ADNP: variants seen among roughly 807,000 people sequenced by gnomAD.
The protein encoded by ADNP is activity dependent neuroprotector homeobox, also known as activity-dependent neuroprotector homeobox protein.
A neutral mutation model predicts 84.9 loss-of-function variants in ADNP; 4 were observed. The observed-to-expected ratio is 0.05, with a 90% CI of 0.02 to 0.11. ADNP has a LOEUF of 0.11. Among genes scored for constraint, ADNP ranks in the 10% least tolerant of loss-of-function variants. ADNP has a pLI of 1.00. For missense variants in ADNP, 1,132 were observed against 1,326.0 expected (o/e 0.85, Z 2.27); for synonymous variants, 554 against 468.1 (o/e 1.18, Z -2.37).
At chr20:50,895,178 C>T (rs1229409345) in intron 5 of ADNP, among the ~76,000 whole-genome samples, 1 of 152,156 alleles carries the variant, frequency 6.6e-6, no homozygotes, top group East Asian at 1.9e-4. Flanking sequence ...TGTTGCTAAA[C>T]CACAGGGATG....
intron 2 of ADNP, among the ~76,000 whole-genome samples, chr20:50,919,942 G>A (rs562128007): frequency 2.6e-5 from 4 of 152,108 alleles, no homozygotes; most frequent in Admixed American, 2.6e-4. Flanking sequence ...GATGCTGCAG[G>A]TAACGAAGTA....
intron 2 of ADNP, among the ~76,000 whole-genome samples, chr20:50,928,014 A>T (rs974246567): frequency 2.8e-4 from 42 of 152,236 alleles, no homozygotes; most frequent in Non-Finnish European, 1.5e-4. Context: ...AAATAATCCC[A>T]TTTAAATATG....
intron 2 of ADNP, among the ~76,000 whole-genome samples, chr20:50,908,147 G>GTTTTTTTTT (rs142605027): frequency 1.8e-4 from 19 of 105,868 alleles, no homozygotes; most frequent in East Asian, 5.8e-4. Flanking sequence ...AGATTTTTCT[G>GTTTTTTTTT]TTTTTTTTTT....
At chr20:50,926,174 GCT>G (rs1207024925) in intron 2 of ADNP, among the ~76,000 whole-genome samples, 1 of 152,206 alleles carries the variant, frequency 6.6e-6, no homozygotes, top group Non-Finnish European at 1.5e-5. Flanking sequence ...AACAAGTCAA[GCT>G]CTGTGAATCC....
chr20:50,930,831 C>T lies in ADNP; in HGVS notation c.-270G>A, dbSNP rs906963232. ...CGCGGCGGCGCCGGGCTTACCTTGACTCGGCCTCGAGGCGCGCGCGGGGCC... is the reference window on the plus strand; with the variant it reads ...CGCGGCGGCGCCGGGCTTACCTTGATTCGGCCTCGAGGCGCGCGCGGGGCC... On this transcript the variant is annotated 5_prime_UTR_variant, in exon 1 of 6. Transcript: ENST00000621696. 12 of 147,466 alleles carry T rather than the reference C, an allele frequency of 8.1e-5. No individual in the cohort carries two copies. The highest frequency in any genetic ancestry group is 1.8e-4 in the South Asian group (1 of 5,626). The allele number at this position is 147,466 out of a possible 1,614,324, so 9.1% of individuals were successfully genotyped here.
intron 2 of ADNP, among the ~76,000 whole-genome samples, chr20:50,921,923 T>C (rs1459336186): frequency 6.6e-6 from 1 of 152,218 alleles, no homozygotes; most frequent in East Asian, 1.9e-4. Flanking sequence ...CCCAGTTTAC[T>C]TCACTCTAAA....
intron 2 of ADNP, among the ~76,000 whole-genome samples, chr20:50,926,793 A>T (rs1428208909): frequency 6.6e-6 from 1 of 152,240 alleles, no homozygotes; most frequent in Non-Finnish European, 1.5e-5. Flanking sequence ...AAGAAGAAAC[A>T]TAAATGCTGA....
chr20:50,930,188 T>C (rs1210062405), intron 1 of ADNP, among the ~76,000 whole-genome samples: 5 of 152,054 alleles, frequency 3.3e-5, no homozygotes, highest in African/African-American at 1.2e-4. Context: ...TACTGCAAAG[T>C]TGGGGCTCAG....
In ADNP at chr20:50,891,514, C is replaced by T. The variant is rs960404692; in HGVS notation, c.3200G>A (p.Ser1067Asn). 30 of 1,612,064 alleles carry T rather than the reference C, an allele frequency of 1.9e-5. No individual in the cohort carries two copies. The highest frequency in any genetic ancestry group is 2.5e-5 in the Non-Finnish European group (30 of 1,180,030). ...LSNPQIEWQN[S>N]TIDSEDGEQF... ...TTCCCCATCCTCACTGTCAATTGTGCTATTCTGCCACTCAATCTGGGGGTT... is the reference window on the plus strand; with the variant it reads ...TTCCCCATCCTCACTGTCAATTGTGTTATTCTGCCACTCAATCTGGGGGTT... The change falls in exon 6 of 6, where the codon AGC becomes AAC. Residue 1067 changes from serine to asparagine, a missense_variant. Physicochemically the swap from Ser to Asn is conservative, Grantham distance 46. Transcript: ENST00000621696.
At chr20:50,919,639 G>A (rs1983803061) in intron 2 of ADNP, among the ~76,000 whole-genome samples, 1 of 151,704 alleles carries the variant, frequency 6.6e-6, no homozygotes, top group African/African-American at 2.4e-5. Context: ...AATCCTAGGA[G>A]GCTTCATGTT....
intron 3 of ADNP, 70 bp from the exon 4 acceptor site, chr20:50,904,071 T>C (rs2122841789): frequency 3.3e-6 from 4 of 1,213,060 alleles, no homozygotes; most frequent in Non-Finnish European, 4.7e-6. Context: ...ATTCCACTGA[T>C]GATAGGATCA....
intron 2 of ADNP, among the ~76,000 whole-genome samples, chr20:50,917,954 A>C (rs1983640286): frequency 6.6e-6 from 1 of 152,218 alleles, no homozygotes; most frequent in South Asian, 2.1e-4. Flanking sequence ...CAATCACAAA[A>C]GGCCAAATAT....
chr20:50,912,158 T>G (rs1372278993), intron 2 of ADNP, among the ~76,000 whole-genome samples: 1 of 152,214 alleles, frequency 6.6e-6, no homozygotes, highest in African/African-American at 2.4e-5. Flanking sequence ...ACTAGTGATT[T>G]TCAAACCTTA....
intron 5 of ADNP, among the ~76,000 whole-genome samples, chr20:50,894,878 C>CT (rs942161826): frequency 1.3e-4 from 20 of 152,088 alleles, no homozygotes; most frequent in African/African-American, 4.8e-4. Flanking sequence ...GCCTGGGCGA[C>CT]AAGAGCGAAA....
At position 50,931,025 on chromosome 20, in the gene ADNP, A is replaced by G. The variant is rs1358461656; in HGVS notation, c.-464T>C. The G allele has an allele frequency of 2.1e-5, 3 of 140,842 alleles. No homozygotes were observed. The highest frequency in any genetic ancestry group is 2.1e-4 in the Admixed American group (3 of 14,430). The allele number at this position is 140,842 out of a possible 1,614,324, so 8.7% of individuals were successfully genotyped here. ...CCGGGGGGCGCGGCGGGCGCAGCAG[A>G]GCGGCGGGCGGCGGCGGCGTCGTCG... On this transcript the variant is annotated 5_prime_UTR_variant, in exon 1 of 6. Coordinates refer to ENST00000621696, the MANE Select transcript of ADNP (RefSeq NM_001282531.3).
At chr20:50,930,662 G>T (rs903447228) in intron 1 of ADNP, among the ~76,000 whole-genome samples, 164 bp downstream of exon 1, 3 of 152,030 alleles carry the variant, frequency 2.0e-5, no homozygotes, top group African/African-American at 7.2e-5. Context: ...GGGACCCGTC[G>T]GCGCCGGGGT....
At chr20:50,903,363 T>A (rs1982171295) in intron 4 of ADNP, among the ~76,000 whole-genome samples, 1 of 152,144 alleles carries the variant, frequency 6.6e-6, no homozygotes, top group Non-Finnish European at 1.5e-5. Flanking sequence ...AAAGTAATAG[T>A]CTATGATGGG....
chr20:50,930,138 A>T (rs1308156439), intron 1 of ADNP, among the ~76,000 whole-genome samples: 1 of 152,114 alleles, frequency 6.6e-6, no homozygotes, highest in Non-Finnish European at 1.5e-5. Context: ...TTAAAAAAAA[A>T]TCTTTTTGCA....
Position 50,892,794 on chromosome 20 carries a change from T to C in ADNP, c.1920A>G (p.Ala640=), listed in dbSNP as rs1308778063. The C allele has an allele frequency of 6.2e-7, 1 of 1,614,140 alleles. No homozygotes were observed. The highest frequency in any genetic ancestry group is 1.3e-5 in the African/African-American group (1 of 74,946). ...CTTGGTGCCTCTCTCGTAAGTGATG[T>C]GCAAGTGCATCAGATATGGGTCCTT... is the stretch of plus-strand genomic sequence containing the variant. ...ILKGPISDAL[A]HHLRERHQVI... is the part of the protein sequence containing the mutation. Residue 640 remains alanine, a synonymous_variant, in exon 6 of 6, where the codon GCA becomes GCG. Coordinates refer to ENST00000621696, the MANE Select transcript of ADNP (RefSeq NM_001282531.3).
Sources: gnomAD v4.1 joint callset for allele counts (sites outside exome capture counted in the v4.1 genomes callset) on GRCh38, gnomAD v4.1.1 for gene constraint, MANE v1.5 for transcripts, NCBI Gene and HGNC (gene_info 2026-07-23, HGNC 2026-07-21) for gene names.